Variants in PCNP observed in about 807,000 individuals in gnomAD.
PCNP encodes the protein PEST proteolytic signal-containing nuclear protein.
PCNP carries 6 observed loss-of-function variants against 21.8 expected under a neutral mutation model. The ratio of observed to expected loss-of-function variants is 0.28; its 90% CI spans 0.15 to 0.54. The LOEUF (loss-of-function observed/expected upper bound fraction) is 0.54. Among genes scored for constraint, PCNP ranks in the 20% least tolerant of loss-of-function variants. The pLI, the probability that PCNP is intolerant of heterozygous loss-of-function variation, is 0.95. For missense variants in PCNP, 161 were observed against 215.5 expected (o/e 0.75, Z 1.58); for synonymous variants, 67 against 73.2 (o/e 0.92, Z 0.43).
chr3:101,576,479 G>A, intron 1 of PCNP: 8 of 1,543,706 alleles, frequency 5.2e-6, no homozygotes, highest in Non-Finnish European at 7.1e-6. Context: ...AACAGACAAG[G>A]CCTACAGACT....
rs564200727 is a variant in PCNP at position 101,583,817 on chromosome 3, AT to A, written c.280-1595del. On this transcript the variant is annotated intron_variant, in intron 2 of 4. Transcript: ENST00000265260. ...TGTGCATCACCACCATATCCAGCTA[AT>A]TTTTTTTTTTTTTTTTTTTTTTTTA... Among the ~76,000 whole-genome samples the A allele has an allele frequency of 3.1e-3, 327 of 104,066 alleles. 2 individuals are homozygous for A. The South Asian group carries it at 0.033, about 11-fold the overall frequency. 68.3% of individuals were successfully genotyped at this position (104,066 alleles called of 152,430 possible). A position where few individuals can be genotyped will look rare whatever the true frequency, so the allele number is the denominator to read the frequency against.
At chr3:101,583,091 G>T (rs1367830288) in intron 2 of PCNP, among the ~76,000 whole-genome samples, 1 of 152,192 alleles carries the variant, frequency 6.6e-6, no homozygotes, top group African/African-American at 2.4e-5. Flanking sequence ...ACTTTGGGAG[G>T]CTGAGGCAGG....
rs757880292 is a variant in PCNP at position 101,574,240 on chromosome 3, G to A, written c.25G>A (p.Glu9Lys). Reference protein sequence around the residue: MADGKAGDEKPEKSQRAGA... With the variant: MADGKAGDKKPEKSQRAGA... Reference sequence around the variant, plus strand: ...AATGGCGGACGGGAAGGCGGGAGACGAGAAGCCTGAAAAGTCGCAGCGAGC... The same window carrying A: ...AATGGCGGACGGGAAGGCGGGAGACAAGAAGCCTGAAAAGTCGCAGCGAGC... The change falls in exon 1 of 5, where the codon GAG becomes AAG. Residue 9 changes from glutamate to lysine, a missense_variant. Glu to Lys is a moderately conservative substitution (Grantham distance 56). Transcript: ENST00000265260. 6.5e-7 allele frequency: 1 copy of A among 1,549,830 alleles called. No individual in the cohort carries two copies. Among genetic ancestry groups the A allele is most frequent in the Non-Finnish European group, 8.7e-7 (1 of 1,145,974 alleles).
chr3:101,580,335 G>A (rs1211555219), intron 2 of PCNP, among the ~76,000 whole-genome samples: 1 of 152,142 alleles, frequency 6.6e-6, no homozygotes, highest in Admixed American at 6.6e-5. Flanking sequence ...GGAGGCCAAA[G>A]TGGGAGGACC....
At chr3:101,576,244 C>T (rs1350892934) in intron 1 of PCNP, among the ~76,000 whole-genome samples, 7 of 136,270 alleles carry the variant, frequency 5.1e-5, no homozygotes, top group East Asian at 2.1e-4. Context: ...GAATGGTTTC[C>T]TTTTTTTTTT....
chr3:101,581,802 G>A (rs1255196493), intron 2 of PCNP, among the ~76,000 whole-genome samples: 4 of 150,938 alleles, frequency 2.7e-5, no homozygotes, highest in African/African-American at 9.8e-5. Flanking sequence ...GTGCAATGGT[G>A]CGATCTTGGC....
chr3:101,590,741 G>T (rs2095028781), intron 4 of PCNP, among the ~76,000 whole-genome samples: 1 of 151,976 alleles, frequency 6.6e-6, no homozygotes, highest in Admixed American at 6.6e-5. Flanking sequence ...TAGAGGCAAG[G>T]TCTCGCTATG....
Position 101,574,195 on chromosome 3 carries a change from G to C in PCNP, c.-21G>C. ...TCGTGACGTCCTTGGCGTGGCTGCA[G>C]GGGAGGCCGCGGCGGGGAAAATGGC... On this transcript the variant is annotated 5_prime_UTR_variant, in exon 1 of 5. Transcript: ENST00000265260. 1 of 1,549,374 alleles carries C rather than the reference G, an allele frequency of 6.5e-7. No homozygotes were observed. Among genetic ancestry groups the C allele is most frequent in the Non-Finnish European group, 8.7e-7 (1 of 1,145,846 alleles).
At chr3:101,582,806 T>C (rs1459835762) in intron 2 of PCNP, among the ~76,000 whole-genome samples, 1 of 152,228 alleles carries the variant, frequency 6.6e-6, no homozygotes, top group African/African-American at 2.4e-5. Flanking sequence ...CAAAAGGGCA[T>C]TTCATGCAAA....
intron 4 of PCNP, 40 bp from the exon 5 acceptor site, chr3:101,592,587 T>TA (rs1188218193): frequency 6.5e-7 from 1 of 1,530,250 alleles, no homozygotes; most frequent in Non-Finnish European, 8.9e-7. Context: ...TGAAAGGCTT[T>TA]ATATAACATT....
chr3:101,582,565 A>G (rs1276401429), intron 2 of PCNP, among the ~76,000 whole-genome samples: 2 of 152,252 alleles, frequency 1.3e-5, no homozygotes, highest in African/African-American at 2.4e-5. Context: ...TCAGCCAACA[A>G]ATGCTTATTT....
chr3:101,591,758 ATTT>A (rs1245823784), intron 4 of PCNP, among the ~76,000 whole-genome samples: 12 of 116,690 alleles, frequency 1.0e-4, no homozygotes, highest in African/African-American at 3.5e-4. Flanking sequence ...TTTTGTTTTG[ATTT>A]TGGTGTTTTT....
intron 4 of PCNP, among the ~76,000 whole-genome samples, chr3:101,591,551 A>C (rs1321615965): frequency 1.3e-5 from 2 of 152,180 alleles, no homozygotes; most frequent in Non-Finnish European, 2.9e-5. Flanking sequence ...TGTCCCGCCT[A>C]AACACCCAGC....
At chr3:101,574,353 G>A (rs1934740077) in intron 1 of PCNP, 74 bp downstream of exon 1, 2 of 1,444,476 alleles carry the variant, frequency 1.4e-6, no homozygotes, top group African/African-American at 2.9e-5. Context: ...GGTGGGGGGA[G>A]TGGGGTGGGG....
intron 1 of PCNP, among the ~76,000 whole-genome samples, chr3:101,576,327 C>T (rs1052171396): frequency 7.8e-4 from 119 of 151,856 alleles, no homozygotes; most frequent in African/African-American, 2.8e-3. Flanking sequence ...CTCCGTCTCC[C>T]CGATTCAAGT....
intron 1 of PCNP, among the ~76,000 whole-genome samples, chr3:101,578,001 T>G (rs1935018016): frequency 6.6e-6 from 1 of 152,232 alleles, no homozygotes; most frequent in African/African-American, 2.4e-5. Flanking sequence ...AAAATATTCC[T>G]TAGTAAAGAA....
intron 4 of PCNP, among the ~76,000 whole-genome samples, chr3:101,591,384 A>G (rs903713752): frequency 8.9e-6 from 1 of 111,960 alleles, no homozygotes; most frequent in African/African-American, 3.1e-5. Context: ...TCCTTTTCTT[A>G]TTTAACTACC....
intron 2 of PCNP, among the ~76,000 whole-genome samples, chr3:101,582,209 C>T (rs1935261851): frequency 6.6e-6 from 1 of 152,162 alleles, no homozygotes; most frequent in Admixed American, 6.5e-5. Flanking sequence ...AATCCCAGCA[C>T]TTTGGGAGGC....
rs913430387 is a variant in PCNP, at chr3:101,593,470, GT to G, written c.*723del. The G allele has an allele frequency of 6.6e-6, 1 of 152,512 alleles. No homozygotes were observed. Among genetic ancestry groups the G allele is most frequent in the Non-Finnish European group, 1.5e-5 (1 of 68,014 alleles). 9.4% of individuals were successfully genotyped at this position (152,512 alleles called of 1,614,324 possible). A position where few individuals can be genotyped will look rare whatever the true frequency, so the allele number is the denominator to read the frequency against. On this transcript the variant is annotated 3_prime_UTR_variant, in exon 5 of 5. Coordinates refer to ENST00000265260, the MANE Select transcript of PCNP (RefSeq NM_020357.3). ...TCAGTATTTTGAATGTGCTTCTCTT[GT>G]TTTTTGTTTATTAGCTAGTTCCTGT...
Sources: gnomAD v4.1 joint callset for allele counts (sites outside exome capture counted in the v4.1 genomes callset) on GRCh38, gnomAD v4.1.1 for gene constraint, MANE v1.5 for transcripts, NCBI Gene and HGNC (gene_info 2026-07-23, HGNC 2026-07-21) for gene names.